Variants in GOLPH3L observed in about 807,000 individuals in gnomAD.
GOLPH3L encodes the protein golgi phosphoprotein 3 like.
A neutral mutation model predicts 30.3 loss-of-function variants in GOLPH3L; 22 were observed. The observed-to-expected ratio is 0.73, with a 90% confidence interval of 0.52 to 1.04. The LOEUF is 1.04. Among genes scored for constraint, GOLPH3L ranks in the 50% least tolerant of loss-of-function variants. The pLI is 0.00. For synonymous variants in GOLPH3L, 120 were observed against 128.2 expected (o/e 0.94, Z 0.43); for missense variants, 303 against 345.8 (o/e 0.88, Z 0.98).
chr1:150,692,236 T>C (rs1651230783), intron 2 of GOLPH3L, among the ~76,000 whole-genome samples: 1 of 152,230 alleles, frequency 6.6e-6, no homozygotes, highest in Non-Finnish European at 1.5e-5. Context: ...ACTACTACTA[T>C]TTAAATAAAT....
At chr1:150,691,093 A>G (rs1306575881) in intron 2 of GOLPH3L, among the ~76,000 whole-genome samples, 1 of 151,410 alleles carries the variant, frequency 6.6e-6, no homozygotes, top group Non-Finnish European at 1.5e-5. Flanking sequence ...CAGGAGTTCA[A>G]GACTAGCCTG....
intron 2 of GOLPH3L, among the ~76,000 whole-genome samples, chr1:150,692,480 G>C (rs1166741791): frequency 1.3e-5 from 2 of 152,184 alleles, no homozygotes; most frequent in Non-Finnish European, 2.9e-5. Flanking sequence ...CGACCTCCGA[G>C]GCTTAAGCCA....
intron 2 of GOLPH3L, among the ~76,000 whole-genome samples, chr1:150,686,902 G>A (rs188234610): frequency 1.8e-4 from 28 of 152,170 alleles, no homozygotes; most frequent in Admixed American, 1.6e-3. Context: ...TATACCAATA[G>A]TAAATAGTTA....
At chr1:150,649,811 G>A (rs1469180707) in intron 4 of GOLPH3L, among the ~76,000 whole-genome samples, 1 of 151,988 alleles carries the variant, frequency 6.6e-6, no homozygotes, top group Non-Finnish European at 1.5e-5. Flanking sequence ...CTAACTCAGA[G>A]GCAACTCCTA....
At chr1:150,692,751 C>T (rs1651242369) in intron 2 of GOLPH3L, among the ~76,000 whole-genome samples, 1 of 152,170 alleles carries the variant, frequency 6.6e-6, no homozygotes, top group South Asian at 2.1e-4. Context: ...GGCCATAGCT[C>T]TTAATGAGCT....
Position 150,684,380 on chromosome 1 carries a change from C to T in GOLPH3L, c.183+10276G>A, listed in dbSNP as rs1028874152. Among the ~76,000 whole-genome samples, 8 of 152,260 alleles carry T rather than the reference C, an allele frequency of 5.3e-5. No individual in the cohort carries two copies. The East Asian group carries it at 1.5e-3, about 29-fold the overall frequency. On this transcript the variant is annotated intron_variant, in intron 2 of 4. Coordinates refer to ENST00000271732, the MANE Select transcript of GOLPH3L (RefSeq NM_018178.6). ...ATTTATTTTTAGAGACAGGGTCTCA[C>T]TATGTTGCCTAGGCTCGTTTCAAAC...
chr1:150,678,631 T>G (rs1215427761), intron 2 of GOLPH3L, among the ~76,000 whole-genome samples: 1 of 152,186 alleles, frequency 6.6e-6, no homozygotes, highest in Non-Finnish European at 1.5e-5. Context: ...TTTTACACAT[T>G]TTTGTATGCC....
Position 150,694,666 on chromosome 1 carries a change from T to A in GOLPH3L, c.173A>T (p.Lys58Ile), listed in dbSNP as rs1259966205. 12 of 1,597,492 alleles carry A rather than the reference T, an allele frequency of 7.5e-6. No individual in the cohort carries two copies. Among genetic ancestry groups the A allele is most frequent in the Non-Finnish European group, 9.4e-6 (11 of 1,171,840 alleles). The change falls in exon 2 of 5, where the codon AAA (lysine) becomes ATA (isoleucine). Residue 58 changes from lysine to isoleucine, a missense_variant. Coordinates refer to ENST00000271732, the MANE Select transcript of GOLPH3L (RefSeq NM_018178.6). ...LMEEVLLLGLKDKEGYTSFWN... is the reference protein window; with the variant it reads ...LMEEVLLLGLIDKEGYTSFWN... ...ACCTAACTGCATTACCTCTTTATCT[T>A]TTAGTCCCAGAAGCAATACTTCTTC...
intron 2 of GOLPH3L, among the ~76,000 whole-genome samples, chr1:150,673,497 C>T (rs1280631976): frequency 2.0e-5 from 3 of 151,138 alleles, no homozygotes; most frequent in East Asian, 1.9e-4. Flanking sequence ...AATCAGGAGG[C>T]GGAGGTTGCA....
chr1:150,654,660 C>T (rs587634637), intron 4 of GOLPH3L, among the ~76,000 whole-genome samples: 3 of 152,320 alleles, frequency 2.0e-5, no homozygotes, highest in East Asian at 3.9e-4. Context: ...ATTTGGGAAA[C>T]GCCATGAGGG....
intron 2 of GOLPH3L, among the ~76,000 whole-genome samples, chr1:150,682,045 C>A (rs375475217): frequency 6.9e-6 from 1 of 145,774 alleles, no homozygotes; most frequent in Non-Finnish European, 1.5e-5. Context: ...GCCTGAGTGA[C>A]AGAGGAGACA....
chr1:150,650,577 GTTC>G (rs1029913814), intron 4 of GOLPH3L, among the ~76,000 whole-genome samples: 1 of 152,158 alleles, frequency 6.6e-6, no homozygotes, highest in Non-Finnish European at 1.5e-5. Context: ...GTGGCATTAG[GTTC>G]CCACAGGAGT....
chr1:150,653,175 C>CAAAAAAAAAAA (rs757485843), intron 4 of GOLPH3L, among the ~76,000 whole-genome samples: 2 of 76,252 alleles, frequency 2.6e-5, no homozygotes, highest in Admixed American at 1.3e-4. Context: ...GCCAAAAAAA[C>CAAAAAAAAAAA]AAAAAAAAAA....
intron 2 of GOLPH3L, among the ~76,000 whole-genome samples, chr1:150,669,863 G>C (rs760002034): frequency 6.6e-6 from 1 of 151,942 alleles, no homozygotes; most frequent in Non-Finnish European, 1.5e-5. Context: ...TCAGGAGGCT[G>C]AGGCAGGATA....
chr1:150,663,547 C>T, intron 3 of GOLPH3L, 85 bp downstream of exon 3: 1 of 1,221,152 alleles, frequency 8.2e-7, no homozygotes, highest in Non-Finnish European at 1.1e-6. Context: ...TTTTATCTTA[C>T]TACTCAAATC....
Position 150,648,444 on chromosome 1 carries a change from G to C in GOLPH3L, c.735C>G (p.Asp245Glu), listed in dbSNP as rs1452062407. ...LENVFSSLTD[D>E]KYDVAMNRAK... ...CTCGATTCATTGCCACATCATACTT[G>C]TCATCTGTCAGAGAGGAGAAGACAT... The change falls in exon 5 of 5, where the codon GAC (aspartate) becomes GAG (glutamate). Residue 245 changes from aspartate to glutamate, a missense_variant. By Grantham distance (45) the Asp-to-Glu change is conservative. Coordinates refer to ENST00000271732, the MANE Select transcript of GOLPH3L (RefSeq NM_018178.6). 9 of 1,613,704 alleles carry C rather than the reference G, an allele frequency of 5.6e-6. No individual in the cohort carries two copies. Among genetic ancestry groups the C allele is most frequent in the Non-Finnish European group, 7.6e-6 (9 of 1,179,750 alleles).
intron 2 of GOLPH3L, among the ~76,000 whole-genome samples, chr1:150,676,569 T>C (rs1363086843): frequency 6.6e-6 from 1 of 152,118 alleles, no homozygotes; most frequent in East Asian, 1.9e-4. Context: ...AATTTTTTTT[T>C]ACAGTTGCTT....
chr1:150,669,016 AACT>A (rs1396201910), intron 2 of GOLPH3L, among the ~76,000 whole-genome samples: 2 of 152,204 alleles, frequency 1.3e-5, no homozygotes, highest in African/African-American at 4.8e-5. Flanking sequence ...AGGATAAAGA[AACT>A]ACATTTTTGA....
chr1:150,677,457 T>C (rs750447700), intron 2 of GOLPH3L, among the ~76,000 whole-genome samples: 8 of 151,472 alleles, frequency 5.3e-5, no homozygotes, highest in Non-Finnish European at 1.2e-4. Context: ...AGGCTGGTCT[T>C]GAACTCCTGA....
Sources: gnomAD v4.1 joint callset for allele counts (sites outside exome capture counted in the v4.1 genomes callset) on GRCh38, gnomAD v4.1.1 for gene constraint, MANE v1.5 for transcripts, NCBI Gene and HGNC (gene_info 2026-07-23, HGNC 2026-07-21) for gene names.